Variants in CFHR3 observed in about 807,000 individuals in gnomAD.
CFHR3 encodes complement factor H-related protein 3.
CFHR3 carries 22 observed loss-of-function variants against 36.0 expected under a neutral mutation model. That is an observed-to-expected ratio of 0.61 (90% CI 0.44 to 0.87). The LOEUF (loss-of-function observed/expected upper bound fraction) is 0.87, where lower values mean the gene tolerates loss of function less well. Among genes scored for constraint, CFHR3 ranks in the 40% least tolerant of loss-of-function variants. The pLI is 0.00. For synonymous variants in CFHR3, 97 were observed against 137.4 expected (o/e 0.71, Z 2.06); for missense variants, 276 against 401.3 (o/e 0.69, Z 2.67).
In CFHR3 at chr1:196,789,713, A is replaced by G. The variant is rs927287156; in HGVS notation, c.614-332A>G. 29 of 1,462,652 alleles carry G rather than the reference A, an allele frequency of 2.0e-5. 5 individuals are homozygous for G. Among genetic ancestry groups the G allele is most frequent in the African/African-American group, 1.4e-4 (8 of 57,432 alleles). 90.6% of individuals were successfully genotyped at this position (1,462,652 alleles called of 1,614,324 possible). On this transcript the variant is annotated intron_variant, in intron 4 of 5. Coordinates refer to ENST00000367425, the MANE Select transcript of CFHR3 (RefSeq NM_021023.6). ...CAGTTATGGAAACACCACAGGTTCCATAGTGTGTGGTGAAGATGGGTAGTC... is the reference window on the plus strand; with the variant it reads ...CAGTTATGGAAACACCACAGGTTCCGTAGTGTGTGGTGAAGATGGGTAGTC...
intron 3 of CFHR3, among the ~76,000 whole-genome samples, chr1:196,780,328 C>G (rs1261165294): frequency 7.3e-6 from 1 of 136,986 alleles, no homozygotes; most frequent in East Asian, 2.0e-4. Flanking sequence ...ATTCTGGGAT[C>G]TTGTACATAT....
chr1:196,793,624 A>C lies in CFHR3; in HGVS notation c.*111A>C, dbSNP rs1654500522. ...CTGATATTGTTGTAATTTCTACTTT[A>C]TTTCAAAGAAAATTAATATAATAGT... On this transcript the variant is annotated 3_prime_UTR_variant, in exon 6 of 6. Transcript: ENST00000367425. 8 of 1,045,120 alleles carry C rather than the reference A, an allele frequency of 7.7e-6. No individual in the cohort carries two copies. In the East Asian group the frequency reaches 1.6e-4, roughly 20 times the overall value. 64.7% of individuals were successfully genotyped at this position (1,045,120 alleles called of 1,614,324 possible). A position where few individuals can be genotyped will look rare whatever the true frequency, so the allele number is the denominator to read the frequency against.
rs2124847456 is a variant in CFHR3 at position 196,782,319 on chromosome 1, CT to C, written c.430+2352del. Among the ~76,000 whole-genome samples, 2 of 136,366 alleles carry C rather than the reference CT, an allele frequency of 1.5e-5. 1 individual carries two copies. Among genetic ancestry groups the C allele is most frequent in the South Asian group, 5.1e-4 (2 of 3,908 alleles). The allele number at this position is 136,366 out of a possible 152,430, so 89.5% of individuals were successfully genotyped here. Reference sequence around the variant, plus strand: ...TTGGTTCCATATGAACTTTAAAGTACTTTTTTCCACTTTGGTGAAGAAAGTC... The same window carrying C: ...TTGGTTCCATATGAACTTTAAAGTACTTTTTCCACTTTGGTGAAGAAAGTC... On this transcript the variant is annotated intron_variant, in intron 3 of 5. Transcript: ENST00000367425.
At chr1:196,782,696 A>AT (rs1371307530) in intron 3 of CFHR3, among the ~76,000 whole-genome samples, 2 of 136,642 alleles carry the variant, frequency 1.5e-5, no homozygotes, top group African/African-American at 6.1e-5. Context: ...GCTTTAGGAG[A>AT]TTTTGGGCTG....
At position 196,779,142 on chromosome 1, in the gene CFHR3, T is replaced by G; in HGVS notation, c.59-20T>G. On this transcript the variant is annotated intron_variant, in intron 1 of 5. Coordinates refer to ENST00000367425, the MANE Select transcript of CFHR3 (RefSeq NM_021023.6). The stretch of plus-strand genomic sequence containing the variant: ...ACAGTAAAAATTATTTATACTTTTT[T>G]GTTTGTTTTTTATTGCAAGTGAAAC... 2 of 1,470,084 alleles carry G rather than the reference T, an allele frequency of 1.4e-6. No individual in the cohort carries two copies. Among genetic ancestry groups the G allele is most frequent in the South Asian group, 2.6e-5 (2 of 77,676 alleles). 91.1% of individuals were successfully genotyped at this position (1,470,084 alleles called of 1,614,324 possible).
rs578029040 is a variant in CFHR3 at position 196,793,336 on chromosome 1, A to T, written c.816A>T (p.Glu272Asp). The T allele has an allele frequency of 2.1e-5, 32 of 1,515,642 alleles. 9 individuals carry two copies. Among genetic ancestry groups the T allele is most frequent in the Admixed American group, 1.0e-4 (6 of 57,698 alleles). 93.9% of individuals were successfully genotyped at this position (1,515,642 alleles called of 1,614,324 possible). A position where few individuals can be genotyped will look rare whatever the true frequency, so the allele number is the denominator to read the frequency against. Reference protein sequence around the residue: ...PRCIHPCIITEENMNKNNIKL... With the variant: ...PRCIHPCIITDENMNKNNIKL... ...TTTCAGATCCATGTATAATAACTGA[A>T]GAAAACATGAATAAAAATAACATAA... The change falls in exon 6 of 6, where the codon GAA (glutamate) becomes GAT (aspartate). Residue 272 changes from glutamate (E) to aspartate (D), a missense_variant. Transcript: ENST00000367425.
rs1654348595 is a variant in CFHR3, at chr1:196,789,737, T to C, written c.614-308T>C. The C allele has an allele frequency of 2.8e-6, 4 of 1,426,540 alleles. 1 individual carries two copies. Among genetic ancestry groups the C allele is most frequent in the South Asian group, 1.6e-5 (1 of 61,956 alleles). The allele number at this position is 1,426,540 out of a possible 1,614,324, so 88.4% of individuals were successfully genotyped here. On this transcript the variant is annotated intron_variant, in intron 4 of 5. Transcript: ENST00000367425. ...CATAGTGTGTGGTGAAGATGGGTAG[T>C]CCCATTTCCCAACATGTTATAGTAA... is the stretch of plus-strand genomic sequence containing the variant.
In CFHR3 at chr1:196,794,605, T is replaced by A. The variant is rs754552614; in HGVS notation, c.*1092T>A. 1.5e-4 allele frequency: 57 copies of A among 390,578 alleles called. 5 individuals carry two copies. Among genetic ancestry groups the A allele is most frequent in the Non-Finnish European group, 2.6e-4 (53 of 201,138 alleles). 24.2% of individuals were successfully genotyped at this position (390,578 alleles called of 1,614,324 possible). A position where few individuals can be genotyped will look rare whatever the true frequency, so the allele number is the denominator to read the frequency against. On this transcript the variant is annotated 3_prime_UTR_variant, in exon 6 of 6. Coordinates refer to ENST00000367425, the MANE Select transcript of CFHR3 (RefSeq NM_021023.6). The stretch of plus-strand genomic sequence containing the variant: ...ATGGTTTTTTGCATTTCTTATTAAG[T>A]TTTGCTTCAGATTTTTTTTTGTCTT...
rs916996399 is a variant in CFHR3, at chr1:196,784,742, C to T, written c.431-3474C>T. Among the ~76,000 whole-genome samples the T allele has an allele frequency of 4.5e-3, 609 of 135,570 alleles. 132 individuals are homozygous for T. Among genetic ancestry groups the T allele is most frequent in the African/African-American group, 0.018 (588 of 32,056 alleles). The allele number at this position is 135,570 out of a possible 152,430, so 88.9% of individuals were successfully genotyped here. A position where few individuals can be genotyped will look rare whatever the true frequency, so the allele number is the denominator to read the frequency against. ...TCCTGAATACAGCACACTGATGGGT[C>T]TTGACTCTTTATCCAATTTGCCAGT... On this transcript the variant is annotated intron_variant, in intron 3 of 5. Coordinates refer to ENST00000367425, the MANE Select transcript of CFHR3 (RefSeq NM_021023.6).
Position 196,775,942 on chromosome 1 carries a change from T to C in CFHR3, c.58+998T>C, listed in dbSNP as rs766796203. Among the ~76,000 whole-genome samples the C allele has an allele frequency of 5.9e-5, 8 of 134,732 alleles. 1 individual carries two copies. Among genetic ancestry groups the C allele is most frequent in the East Asian group, 2.0e-4 (1 of 5,028 alleles). 88.4% of individuals were successfully genotyped at this position (134,732 alleles called of 152,430 possible). ...TCTAGGGAAAGAGCTTTAAGTTTTATAGTATTATCTATCACATGATTTGCT... is the reference window on the plus strand; with the variant it reads ...TCTAGGGAAAGAGCTTTAAGTTTTACAGTATTATCTATCACATGATTTGCT... On this transcript the variant is annotated intron_variant, in intron 1 of 5. Coordinates refer to ENST00000367425, the MANE Select transcript of CFHR3 (RefSeq NM_021023.6).
rs557063268 is a variant in CFHR3 at position 196,786,948 on chromosome 1, C to T, written c.431-1268C>T. Among the ~76,000 whole-genome samples the T allele has an allele frequency of 4.3e-4, 59 of 137,700 alleles. 11 individuals are homozygous for T. Among genetic ancestry groups the T allele is most frequent in the African/African-American group, 1.4e-3 (47 of 33,158 alleles). 90.3% of individuals were successfully genotyped at this position (137,700 alleles called of 152,430 possible). A position where few individuals can be genotyped will look rare whatever the true frequency, so the allele number is the denominator to read the frequency against. Reference sequence around the variant, plus strand: ...AGCTGTTCCGATTTGGCCATCTTGGCTGCCCTCTATGATATCTATTTTTTA... The same window carrying T: ...AGCTGTTCCGATTTGGCCATCTTGGTTGCCCTCTATGATATCTATTTTTTA... On this transcript the variant is annotated intron_variant, in intron 3 of 5. Transcript: ENST00000367425.
intron 1 of CFHR3, among the ~76,000 whole-genome samples, chr1:196,778,207 C>A (rs1159548889): frequency 7.5e-6 from 1 of 134,180 alleles, no homozygotes; most frequent in Non-Finnish European, 1.6e-5. Context: ...AGCTGTCATG[C>A]GTCACCCAAC....
chr1:196,775,488 A>G (rs1653675507), intron 1 of CFHR3, among the ~76,000 whole-genome samples: 1 of 137,562 alleles, frequency 7.3e-6, no homozygotes, highest in Non-Finnish European at 1.5e-5. Flanking sequence ...AATTAGCAAC[A>G]TACATATATA....
At position 196,774,868 on chromosome 1, in the gene CFHR3, A is replaced by G. The variant is rs1436163686; in HGVS notation, c.-19A>G. Reference sequence around the variant, plus strand: ...GCAACTGAAACTTTTGTATTAGCATACTACTGAGAATATCTAACATGTTGT... The same window carrying G: ...GCAACTGAAACTTTTGTATTAGCATGCTACTGAGAATATCTAACATGTTGT... On this transcript the variant is annotated 5_prime_UTR_variant, in exon 1 of 6. In the 5' UTR this introduces an upstream ATG that the reference lacks. Coordinates refer to ENST00000367425, the MANE Select transcript of CFHR3 (RefSeq NM_021023.6). 7 of 1,510,836 alleles carry G rather than the reference A, an allele frequency of 4.6e-6. 2 individuals are homozygous for G. The African/African-American group carries it at 8.3e-5, about 18-fold the overall frequency. 93.6% of individuals were successfully genotyped at this position (1,510,836 alleles called of 1,614,324 possible). A position where few individuals can be genotyped will look rare whatever the true frequency, so the allele number is the denominator to read the frequency against.
chr1:196,787,858 C>A lies in CFHR3; in HGVS notation c.431-358C>A, dbSNP rs188331192. On this transcript the variant is annotated intron_variant, in intron 3 of 5. Transcript: ENST00000367425. Reference sequence around the variant, plus strand: ...GCATTTGACTTAATGAGGTTTAAGACCCCTTAATAGTACCAAAAATACTCA... The same window carrying A: ...GCATTTGACTTAATGAGGTTTAAGAACCCTTAATAGTACCAAAAATACTCA... 9.4e-4 allele frequency among the ~76,000 whole-genome samples: 128 copies of A among 136,834 alleles called. 16 individuals carry two copies. In the East Asian group the frequency reaches 0.023, roughly 24 times the overall value. The allele number at this position is 136,834 out of a possible 152,430, so 89.8% of individuals were successfully genotyped here. A position where few individuals can be genotyped will look rare whatever the true frequency, so the allele number is the denominator to read the frequency against.
intron 3 of CFHR3, among the ~76,000 whole-genome samples, chr1:196,786,394 C>T (rs1654201516): frequency 1.5e-5 from 2 of 135,498 alleles, no homozygotes; most frequent in African/African-American, 6.2e-5. Flanking sequence ...TTGTCTGTGC[C>T]CTGCCCCCAG....
chr1:196,778,641 A>G (rs1653826083), intron 1 of CFHR3, among the ~76,000 whole-genome samples: 1 of 136,620 alleles, frequency 7.3e-6, no homozygotes. Flanking sequence ...CATCGAATAC[A>G]AACAAAATGC....
At chr1:196,786,280 G>GC (rs1654197010) in intron 3 of CFHR3, among the ~76,000 whole-genome samples, 1 of 135,544 alleles carries the variant, frequency 7.4e-6, no homozygotes, top group Admixed American at 7.1e-5. Flanking sequence ...GAGGCAGTCT[G>GC]CCCGTTCTCA....
At chr1:196,781,691 T>G (rs986388385) in intron 3 of CFHR3, among the ~76,000 whole-genome samples, 2 of 135,502 alleles carry the variant, frequency 1.5e-5, no homozygotes, top group Non-Finnish European at 3.1e-5. Context: ...CATTGTAGAT[T>G]CTGGATATTA....
Sources: gnomAD v4.1 joint callset for allele counts (sites outside exome capture counted in the v4.1 genomes callset) on GRCh38, gnomAD v4.1.1 for gene constraint, MANE v1.5 for transcripts, NCBI Gene and HGNC (gene_info 2026-07-23, HGNC 2026-07-21) for gene names.